Variants in HLCS observed in about 807,000 individuals in gnomAD.
HLCS encodes the protein holocarboxylase synthetase, also known as biotin--protein ligase.
A neutral mutation model predicts 75.0 loss-of-function variants in HLCS; 53 were observed. The observed-to-expected ratio is 0.71, with a 90% CI of 0.57 to 0.89. HLCS has a LOEUF of 0.89. Ranked by LOEUF, HLCS falls within the 40% of genes least tolerant of loss-of-function variation. The pLI, the probability that HLCS is intolerant of heterozygous loss-of-function variation, is 0.00. For missense variants in HLCS, 966 were observed against 1,074.0 expected (o/e 0.90, Z 1.41); for synonymous variants, 431 against 428.6 (o/e 1.01, Z -0.07).
intron 5 of HLCS, among the ~76,000 whole-genome samples, chr21:36,914,160 G>A (rs1344022248): frequency 6.6e-6 from 1 of 152,208 alleles, no homozygotes; most frequent in East Asian, 1.9e-4. Context: ...GGAGCCCAGG[G>A]ATGGGCCGAC....
At chr21:36,940,832 G>C (rs145556895) in intron 2 of HLCS, among the ~76,000 whole-genome samples, 1 of 152,338 alleles carries the variant, frequency 6.6e-6, no homozygotes, top group Non-Finnish European at 1.5e-5. Context: ...GTCAAGGGAC[G>C]GACCTGGTGG....
At chr21:36,861,926 A>G (rs2063394734) in intron 6 of HLCS, among the ~76,000 whole-genome samples, 1 of 151,872 alleles carries the variant, frequency 6.6e-6, no homozygotes, top group South Asian at 2.1e-4. Context: ...GCCACTCCCC[A>G]TTCCTCTCTC....
intron 5 of HLCS, among the ~76,000 whole-genome samples, chr21:36,915,299 C>T (rs1166628436): frequency 6.6e-6 from 1 of 152,236 alleles, no homozygotes; most frequent in East Asian, 1.9e-4. Flanking sequence ...CAATGTTTAG[C>T]CTCCACTGTT....
At chr21:36,948,765 C>A (rs2067534704) in intron 2 of HLCS, among the ~76,000 whole-genome samples, 1 of 137,582 alleles carries the variant, frequency 7.3e-6, no homozygotes, top group Admixed American at 7.5e-5. Context: ...GACAATATAC[C>A]CTATGGCACT....
At chr21:36,931,139 C>G (rs2066618149) in intron 4 of HLCS, among the ~76,000 whole-genome samples, 2 of 151,976 alleles carry the variant, frequency 1.3e-5, no homozygotes, top group Admixed American at 1.3e-4. Flanking sequence ...CAAAATTAGC[C>G]AGGCGTGGTT....
intron 6 of HLCS, among the ~76,000 whole-genome samples, chr21:36,808,027 G>T (rs897128354): frequency 7.1e-6 from 1 of 141,294 alleles, no homozygotes; most frequent in Non-Finnish European, 1.5e-5. Flanking sequence ...GATAACTCAT[G>T]TTCATTGTAG....
At chr21:36,922,227 C>A (rs77273296) in intron 5 of HLCS, among the ~76,000 whole-genome samples, 1 of 152,016 alleles carries the variant, frequency 6.6e-6, no homozygotes, top group Non-Finnish European at 1.5e-5. Flanking sequence ...TCCAATATCT[C>A]CTTTTTAGAA....
At chr21:36,874,957 T>C (rs189496961) in intron 6 of HLCS, among the ~76,000 whole-genome samples, 86 of 152,242 alleles carry the variant, frequency 5.6e-4, no homozygotes, top group African/African-American at 2.0e-3. Context: ...CCCACTTCAG[T>C]GCAAAGTTGT....
At chr21:36,979,144 C>T (rs1193555469) in intron 1 of HLCS, among the ~76,000 whole-genome samples, 2 of 151,798 alleles carry the variant, frequency 1.3e-5, no homozygotes, top group Non-Finnish European at 2.9e-5. Context: ...TGATGGCGGG[C>T]GCCTGTAGTC....
rs2061841130 is a variant in HLCS at position 36,821,552 on chromosome 21, T to C, written c.1893-54267A>G. ...TCTGCAGAACCCTCCTCCCCAAACC[T>C]CCTGCTCTGCGCTTTGCTCCGGCAG... On this transcript the variant is annotated intron_variant, in intron 6 of 10. Coordinates refer to ENST00000674895, the MANE Select transcript of HLCS (RefSeq NM_001352514.2). Among the ~76,000 whole-genome samples the C allele has an allele frequency of 2.0e-5, 3 of 152,342 alleles. No individual in the cohort carries two copies. In the South Asian group the frequency reaches 6.2e-4, roughly 32 times the overall value.
intron 6 of HLCS, among the ~76,000 whole-genome samples, chr21:36,857,323 C>T (rs535343189): frequency 6.6e-5 from 10 of 152,290 alleles, no homozygotes; most frequent in Non-Finnish European, 1.5e-5. Context: ...TTTAACCTTT[C>T]TGTTTGTTCG....
chr21:36,924,502 G>A (rs1235840125), intron 5 of HLCS, among the ~76,000 whole-genome samples: 3 of 152,174 alleles, frequency 2.0e-5, no homozygotes, highest in African/African-American at 7.2e-5. Context: ...AGAGGCTGCA[G>A]TGAGCAGAGA....
chr21:36,989,005 T>C (rs972275340), intron 1 of HLCS, among the ~76,000 whole-genome samples: 3 of 151,328 alleles, frequency 2.0e-5, no homozygotes, highest in African/African-American at 7.3e-5. Flanking sequence ...TTTTTTTCTT[T>C]TTCCTTTTAA....
chr21:36,844,051 G>C (rs1287565293), intron 6 of HLCS, among the ~76,000 whole-genome samples: 3 of 152,140 alleles, frequency 2.0e-5, no homozygotes, highest in Non-Finnish European at 4.4e-5. Context: ...GGATCACTAT[G>C]CATGAGAAAT....
intron 6 of HLCS, among the ~76,000 whole-genome samples, chr21:36,779,866 T>C (rs2060474631): frequency 6.6e-6 from 1 of 152,132 alleles, no homozygotes; most frequent in African/African-American, 2.4e-5. Context: ...GTCGGAACTG[T>C]ACACAGACAA....
intron 10 of HLCS, among the ~76,000 whole-genome samples, chr21:36,756,249 T>C (rs182012918): frequency 1.8e-3 from 273 of 148,484 alleles, no homozygotes; most frequent in East Asian, 4.9e-3. Context: ...CCATCCTGGC[T>C]AACACGGTGA....
intron 6 of HLCS, among the ~76,000 whole-genome samples, chr21:36,855,826 C>G (rs1458236649): frequency 6.6e-6 from 1 of 152,164 alleles, no homozygotes; most frequent in African/African-American, 2.4e-5. Context: ...GATCTGCCCT[C>G]CTTGGCTTCC....
chr21:36,981,300 C>A (rs1030643962), intron 1 of HLCS, among the ~76,000 whole-genome samples: 1 of 151,700 alleles, frequency 6.6e-6, no homozygotes, highest in Non-Finnish European at 1.5e-5. Flanking sequence ...ATGGGCTTAA[C>A]TAGTTATTCT....
chr21:36,865,152 CTGA>C (rs141972907), intron 6 of HLCS, among the ~76,000 whole-genome samples: 3,759 of 151,924 alleles, frequency 0.025, 158 homozygotes, highest in African/African-American at 0.086. Flanking sequence ...AGAAAACAGG[CTGA>C]TACCCCCACC....
Sources: gnomAD v4.1 joint callset for allele counts (sites outside exome capture counted in the v4.1 genomes callset) on GRCh38, gnomAD v4.1.1 for gene constraint, MANE v1.5 for transcripts, NCBI Gene and HGNC (gene_info 2026-07-23, HGNC 2026-07-21) for gene names.